Variants in CECR2 observed in about 807,000 individuals in gnomAD.
CECR2 encodes the protein CECR2 histone acetyl-lysine reader.
Under a neutral mutation model 154.5 loss-of-function variants are expected in CECR2, and 30 were observed. The observed-to-expected ratio is 0.19, with a 90% CI of 0.15 to 0.26. The LOEUF (loss-of-function observed/expected upper bound fraction) is 0.26. CECR2 is among the 10% of genes least tolerant of loss of function. The pLI is 1.00. For synonymous variants in CECR2, 725 were observed against 683.7 expected (o/e 1.06, Z -0.94); for missense variants, 1,743 against 1,829.3 (o/e 0.95, Z 0.86).
rs531077458 is a variant in CECR2, at chr22:17,540,335, A to G, written c.1496-77A>G. 46 of 1,292,160 alleles carry G rather than the reference A, an allele frequency of 3.6e-5. No individual in the cohort carries two copies. In the South Asian group the frequency reaches 7.6e-4, roughly 21 times the overall value. 80.0% of individuals were successfully genotyped at this position (1,292,160 alleles called of 1,614,324 possible). A position where few individuals can be genotyped will look rare whatever the true frequency, so the allele number is the denominator to read the frequency against. On this transcript the variant is annotated intron_variant, in intron 13 of 18. Transcript: ENST00000262608. Reference sequence around the variant, plus strand: ...TTGTGACCTATAGTTCTGTTTCTATAGTTTCTATAAACTATAGTTTCTATA... The same window carrying G: ...TTGTGACCTATAGTTCTGTTTCTATGGTTTCTATAAACTATAGTTTCTATA...
At chr22:17,521,739 GA>G (rs1188298791) in intron 8 of CECR2, among the ~76,000 whole-genome samples, 1 of 152,210 alleles carries the variant, frequency 6.6e-6, no homozygotes, top group East Asian at 1.9e-4. Flanking sequence ...TTGCTGTGCA[GA>G]AGCTCTTTAG....
intron 1 of CECR2, among the ~76,000 whole-genome samples, chr22:17,437,664 T>G (rs2146655774): frequency 6.6e-6 from 1 of 152,322 alleles, no homozygotes; most frequent in East Asian, 1.9e-4. Context: ...CTTCTTTTTA[T>G]GTATGCTTTG....
chr22:17,378,262 T>C (rs557523977), intron 1 of CECR2, among the ~76,000 whole-genome samples: 117 of 150,056 alleles, frequency 7.8e-4, no homozygotes, highest in South Asian at 1.3e-3. Context: ...GGATTACAGG[T>C]GTGAGCCACC....
Position 17,512,722 on chromosome 22 carries a change from AAAG to A in CECR2, c.954+829_954+831del, listed in dbSNP as rs1453983438. On this transcript the variant is annotated intron_variant, in intron 8 of 18. Coordinates refer to ENST00000262608, the MANE Select transcript of CECR2 (RefSeq NM_001290047.2). ...CTCTGTCTCAGAAAAAAAAAAAAAA[AAAG>A]AAAGAAAGAAAAGAAAACCTGAGAG... Among the ~76,000 whole-genome samples, 38 of 126,908 alleles carry A rather than the reference AAAG, an allele frequency of 3.0e-4. 1 individual carries two copies. The highest frequency in any genetic ancestry group is 1.8e-3 in the African/African-American group (38 of 21,276). The allele number at this position is 126,908 out of a possible 152,430, so 83.3% of individuals were successfully genotyped here. A position where few individuals can be genotyped will look rare whatever the true frequency, so the allele number is the denominator to read the frequency against.
chr22:17,522,550 T>A (rs2056176324), intron 8 of CECR2, among the ~76,000 whole-genome samples: 2 of 152,194 alleles, frequency 1.3e-5, no homozygotes, highest in Non-Finnish European at 2.9e-5. Context: ...GATTTTATGG[T>A]TGTTATTTAA....
chr22:17,463,702 C>T lies in CECR2; in HGVS notation c.127-13886C>T, dbSNP rs147079175. ...CTGCCTGTTTGACATTCATTGCTGA[C>T]GTCGGGGACGGGCACTGGGATAAGG... is the stretch of plus-strand genomic sequence containing the variant. On this transcript the variant is annotated intron_variant, in intron 1 of 18. Transcript: ENST00000262608. Among the ~76,000 whole-genome samples the T allele has an allele frequency of 2.5e-3, 381 of 151,826 alleles. 1 individual carries two copies. The highest frequency in any genetic ancestry group is 6.8e-3 in the Middle Eastern group (2 of 294).
intron 1 of CECR2, among the ~76,000 whole-genome samples, chr22:17,374,965 G>A (rs371938550): frequency 1.3e-5 from 2 of 151,944 alleles, no homozygotes; most frequent in Admixed American, 6.6e-5. Flanking sequence ...TTAAAATGAC[G>A]GGCCAGACCC....
At chr22:17,370,166 C>T (rs1223784036) in intron 1 of CECR2, among the ~76,000 whole-genome samples, 11 of 150,904 alleles carry the variant, frequency 7.3e-5, no homozygotes, top group Admixed American at 5.9e-4. Context: ...GGGGCGGGCC[C>T]GTGCTTTTGT....
At chr22:17,394,153 C>T (rs1213200881) in intron 1 of CECR2, among the ~76,000 whole-genome samples, 3 of 143,412 alleles carry the variant, frequency 2.1e-5, no homozygotes, top group Admixed American at 7.1e-5. Flanking sequence ...TCCCAAAGTG[C>T]TGGGATTACA....
chr22:17,456,126 AATTATTATT>A (rs58669468), intron 1 of CECR2, among the ~76,000 whole-genome samples: 3 of 151,544 alleles, frequency 2.0e-5, no homozygotes, highest in Non-Finnish European at 4.4e-5. Context: ...ATGTTTAGTC[AATTATTATT>A]ATTATTATTA....
chr22:17,514,468 C>G (rs1324427028), intron 8 of CECR2, among the ~76,000 whole-genome samples: 1 of 152,180 alleles, frequency 6.6e-6, no homozygotes, highest in Non-Finnish European at 1.5e-5. Flanking sequence ...TCTAGCAGGA[C>G]TCTTATCTGT....
intron 1 of CECR2, chr22:17,424,817 T>A (rs5747121): frequency 0.067 from 10,219 of 152,530 alleles, 930 homozygotes; most frequent in East Asian, 0.36. Flanking sequence ...GTTGTCTCCC[T>A]CTGGGCAGCT....
chr22:17,430,507 C>T (rs889136600), intron 1 of CECR2, among the ~76,000 whole-genome samples: 1 of 152,212 alleles, frequency 6.6e-6, no homozygotes, highest in Non-Finnish European at 1.5e-5. Flanking sequence ...CCCACCTCCA[C>T]TCCCACCACA....
chr22:17,490,493 G>A (rs774695839), intron 2 of CECR2, among the ~76,000 whole-genome samples: 4 of 152,058 alleles, frequency 2.6e-5, no homozygotes, highest in Non-Finnish European at 5.9e-5. Context: ...GGAGTGCAGT[G>A]GTGTGATCTC....
intron 1 of CECR2, among the ~76,000 whole-genome samples, chr22:17,411,881 A>T (rs1171465413): frequency 6.6e-6 from 1 of 152,210 alleles, no homozygotes; most frequent in Non-Finnish European, 1.5e-5. Context: ...ATATATAATA[A>T]ATGTTTTTCA....
rs1436631975 is a variant in CECR2 at position 17,369,741 on chromosome 22, A to AGCGCGGGCAGC, written c.-41_-31dup. The AGCGCGGGCAGC allele has an allele frequency of 6.8e-6, 1 of 148,140 alleles. No individual in the cohort carries two copies. Among genetic ancestry groups the AGCGCGGGCAGC allele is most frequent in the Admixed American group, 6.7e-5 (1 of 14,978 alleles). 9.2% of individuals were successfully genotyped at this position (148,140 alleles called of 1,614,324 possible). ...GCGGGAGTCCCAGGTCGGCGGGCAG[A>AGCGCGGGCAGC]GCGCGGGCAGCGAGGGGCCGCCGCC... On this transcript the variant is annotated 5_prime_UTR_variant, in exon 1 of 19. Coordinates refer to ENST00000262608, the MANE Select transcript of CECR2 (RefSeq NM_001290047.2).
At chr22:17,399,978 A>G (rs2053867982) in intron 1 of CECR2, among the ~76,000 whole-genome samples, 1 of 152,176 alleles carries the variant, frequency 6.6e-6, no homozygotes, top group South Asian at 2.1e-4. Flanking sequence ...TATTATGCTT[A>G]TTGTAATTCT....
At position 17,429,595 on chromosome 22, in the gene CECR2, C is replaced by T. The variant is rs1243266304; in HGVS notation, c.127-47993C>T. Among the ~76,000 whole-genome samples, 5 of 151,244 alleles carry T rather than the reference C, an allele frequency of 3.3e-5. No homozygotes were observed. In the East Asian group the frequency reaches 9.7e-4, roughly 29 times the overall value. On this transcript the variant is annotated intron_variant, in intron 1 of 18. Coordinates refer to ENST00000262608, the MANE Select transcript of CECR2 (RefSeq NM_001290047.2). ...AGAAAAAAGAGATCTCACAGGACAG[C>T]ATCTCTGGATTAGCTTATACAGAGT... is the stretch of plus-strand genomic sequence containing the variant.
intron 6 of CECR2, 26 bp from the exon 7 acceptor site, chr22:17,504,821 A>G (rs773713630): frequency 5.0e-6 from 8 of 1,601,978 alleles, no homozygotes; most frequent in Non-Finnish European, 6.8e-6. Flanking sequence ...GATCTCCTGT[A>G]GTGAATCCGT....
Sources: allele counts gnomAD v4.1 joint callset (sites outside exome capture counted in the v4.1 genomes callset), GRCh38; gene constraint gnomAD v4.1.1; transcripts MANE v1.5; gene names NCBI Gene and HGNC (gene_info 2026-07-23, HGNC 2026-07-21).